Variants in KLHDC4 observed in about 807,000 individuals in gnomAD.
KLHDC4 encodes the protein kelch domain-containing protein 4.
KLHDC4 carries 90 observed loss-of-function variants against 62.4 expected under a neutral mutation model. The observed-to-expected ratio is 1.44, with a 90% CI of 1.22 to 1.72. The LOEUF (loss-of-function observed/expected upper bound fraction) is 1.72, where lower values mean the gene tolerates loss of function less well. Ranked by LOEUF, KLHDC4 falls within the 40% of genes most tolerant of loss-of-function variation. KLHDC4 has a pLI of 0.00. For missense variants in KLHDC4, 1,025 were observed against 699.7 expected (o/e 1.47, Z -5.25); for synonymous variants, 386 against 284.4 (o/e 1.36, Z -3.59).
chr16:87,747,329 A>G (rs1183547535), intron 5 of KLHDC4, among the ~76,000 whole-genome samples: 1 of 152,220 alleles, frequency 6.6e-6, no homozygotes, highest in East Asian at 1.9e-4. Flanking sequence ...TAAAAAATCA[A>G]TCGATTTGCC....
intron 2 of KLHDC4, among the ~76,000 whole-genome samples, chr16:87,760,190 G>C (rs2045643265): frequency 6.7e-6 from 1 of 148,206 alleles, no homozygotes. Flanking sequence ...CATGAAATCT[G>C]ACTTTCAGGC....
chr16:87,750,344 T>C (rs1038739475), intron 4 of KLHDC4: 1 of 152,290 alleles, frequency 6.6e-6, no homozygotes, highest in Non-Finnish European at 1.5e-5. Context: ...TCTCCACAGG[T>C]GAGAGCCGCC....
chr16:87,727,037 C>CAA, intron 6 of KLHDC4, 113 bp from the exon 7 acceptor site: 2 of 1,169,758 alleles, frequency 1.7e-6, no homozygotes, highest in South Asian at 2.9e-5. Flanking sequence ...GGGAAAAACT[C>CAA]AAACCATTTT....
At chr16:87,731,479 AG>A (rs1344301560) in intron 5 of KLHDC4, among the ~76,000 whole-genome samples, 1 of 151,550 alleles carries the variant, frequency 6.6e-6, no homozygotes, top group African/African-American at 2.4e-5. Flanking sequence ...AGATGGAAAA[AG>A]GCCAATGAAA....
chr16:87,710,997 C>T (rs1019800790), intron 9 of KLHDC4: 1 of 531,730 alleles, frequency 1.9e-6, no homozygotes, highest in Admixed American at 3.1e-5. Context: ...CAGCCCAGGG[C>T]AACTGGCTTC....
intron 10 of KLHDC4, 82 bp downstream of exon 10, chr16:87,709,183 G>T: frequency 6.6e-7 from 1 of 1,516,376 alleles, no homozygotes; most frequent in Middle Eastern, 2.0e-4. Context: ...TGGGCAGCTT[G>T]CAGGGCTTGC....
downstream of KLHDC4, among the ~76,000 whole-genome samples, chr16:87,704,896 A>G (rs2034476708): frequency 6.6e-6 from 1 of 152,162 alleles, no homozygotes; most frequent in Non-Finnish European, 1.5e-5. Flanking sequence ...CCTCCAATTC[A>G]TCCTCACACA....
At chr16:87,735,384 C>T (rs1014569742) in intron 5 of KLHDC4, among the ~76,000 whole-genome samples, 3 of 152,180 alleles carry the variant, frequency 2.0e-5, no homozygotes, top group Middle Eastern at 3.4e-3. Context: ...GAGAACCGAG[C>T]GCTGCCACTG....
At chr16:87,761,293 A>T (rs1198905141) in intron 2 of KLHDC4, among the ~76,000 whole-genome samples, 1 of 152,068 alleles carries the variant, frequency 6.6e-6, no homozygotes, top group Non-Finnish European at 1.5e-5. Context: ...GAGCCATCAC[A>T]TGCGCCTCAT....
At chr16:87,700,839 CGGAGGGAGGAGGTTGGAG>C (rs1567627505) in exon 1 of KLHDC4, 50 of 86,106 alleles carry the variant, frequency 5.8e-4, no homozygotes, top group African/African-American at 2.7e-3. Context: ...GGTTGGAGGG[CGGAGGGAGGAGGTTGGAG>C]GGTGGAGGGA....
rs370544810 is a variant in KLHDC4 at position 87,709,345 on chromosome 16, C to T, written c.1367G>A (p.Arg456His). The change falls in exon 10 of 12, where the codon CGC becomes CAC. Residue 456 changes from arginine (R) to histidine (H), a missense_variant. Coordinates refer to ENST00000270583, the MANE Select transcript of KLHDC4 (RefSeq NM_017566.4). ...GTGCAGGTCGCTGAGGGTGACCTGG[C>T]GGTCGCCGGCCTCAAACATGCCCCC... Reference protein sequence around the residue: ...VYGGMFEAGDRQVTLSDLHCL... With the variant: ...VYGGMFEAGDHQVTLSDLHCL... The T allele has an allele frequency of 7.5e-5, 121 of 1,613,246 alleles. No individual in the cohort carries two copies. The highest frequency in any genetic ancestry group is 1.8e-4 in the East Asian group (8 of 44,896).
Position 87,765,777 on chromosome 16 carries a change from G to A in KLHDC4, c.99+15C>T, listed in dbSNP as rs1183465185. Reference sequence around the variant, plus strand: ...CCGCGACGTCGGGCCGCTAAGCCCGGTCTGACCCGCTCACCTCCTCCTTCC... The same window carrying A: ...CCGCGACGTCGGGCCGCTAAGCCCGATCTGACCCGCTCACCTCCTCCTTCC... On this transcript the variant is annotated intron_variant, in intron 1 of 11. Coordinates refer to ENST00000270583, the MANE Select transcript of KLHDC4 (RefSeq NM_017566.4). 2 of 1,567,336 alleles carry A rather than the reference G, an allele frequency of 1.3e-6. No individual in the cohort carries two copies. The highest frequency in any genetic ancestry group is 1.2e-5 in the South Asian group (1 of 85,418).
chr16:87,726,167 T>C (rs1292709274), intron 7 of KLHDC4, among the ~76,000 whole-genome samples: 2 of 151,684 alleles, frequency 1.3e-5, no homozygotes, highest in African/African-American at 4.8e-5. Flanking sequence ...GCAGCGCCTA[T>C]TTTCCCACGC....
At chr16:87,733,276 C>G (rs2040713832) in intron 5 of KLHDC4, among the ~76,000 whole-genome samples, 2 of 152,258 alleles carry the variant, frequency 1.3e-5, no homozygotes, top group Admixed American at 6.5e-5. Flanking sequence ...CTCCAGTGAG[C>G]AGGCGTGACT....
At chr16:87,760,606 CA>C (rs546426686) in intron 2 of KLHDC4, among the ~76,000 whole-genome samples, 1,307 of 52,178 alleles carry the variant, frequency 0.025, 4 homozygotes, top group African/African-American at 0.059. Context: ...GACTCCGTCC[CA>C]AAAAAAAAAA....
chr16:87,765,403 C>G (rs1295907656), intron 1 of KLHDC4: 12 of 480,576 alleles, frequency 2.5e-5, no homozygotes, highest in Non-Finnish European at 4.9e-5. Flanking sequence ...ACACATCATG[C>G]AGAGGCAGCC....
At chr16:87,727,996 G>T (rs1390481802) in intron 6 of KLHDC4, among the ~76,000 whole-genome samples, 1 of 152,068 alleles carries the variant, frequency 6.6e-6, no homozygotes, top group Non-Finnish European at 1.5e-5. Context: ...AAACAGCCTG[G>T]ACAATATGGT....
At position 87,747,331 on chromosome 16, in the gene KLHDC4, C is replaced by T. The variant is rs114866190; in HGVS notation, c.506+1342G>A. On this transcript the variant is annotated intron_variant, in intron 5 of 11. Coordinates refer to ENST00000270583, the MANE Select transcript of KLHDC4 (RefSeq NM_017566.4). The stretch of plus-strand genomic sequence containing the variant: ...GACAAAATGCTATTAAAAAATCAAT[C>T]GATTTGCCAAAGATAAACAAGCAAA... 2.2e-3 allele frequency among the ~76,000 whole-genome samples: 333 copies of T among 152,246 alleles called. 1 individual carries two copies. Among genetic ancestry groups the T allele is most frequent in the African/African-American group, 7.3e-3 (305 of 41,538 alleles).
At chr16:87,737,718 G>C (rs886327249) in intron 5 of KLHDC4, among the ~76,000 whole-genome samples, 12 of 151,684 alleles carry the variant, frequency 7.9e-5, no homozygotes, top group Admixed American at 1.3e-4. Flanking sequence ...CTCCCGAGTA[G>C]CTGCAATTAC....
Sources: gnomAD v4.1 joint callset for allele counts (sites outside exome capture counted in the v4.1 genomes callset) on GRCh38, gnomAD v4.1.1 for gene constraint, MANE v1.5 for transcripts, NCBI Gene and HGNC (gene_info 2026-07-23, HGNC 2026-07-21) for gene names.